IL4I1: variants seen among roughly 807,000 people sequenced by gnomAD.
IL4I1 encodes the protein L-amino-acid oxidase.
A neutral mutation model predicts 29.7 loss-of-function variants in IL4I1; 24 were observed. The ratio of observed to expected loss-of-function variants is 0.81; its 90% CI spans 0.59 to 1.14. The LOEUF is 1.14. IL4I1 is among the 50% of genes most tolerant of loss of function. The pLI, the probability that IL4I1 is intolerant of heterozygous loss-of-function variation, is 0.00. For synonymous variants in IL4I1, 371 were observed against 352.5 expected (o/e 1.05, Z -0.59); for missense variants, 686 against 785.6 (o/e 0.87, Z 1.52).
rs2075106840 is a variant in IL4I1 at position 49,889,901 on chromosome 19, C to T, written c.1473G>A (p.Glu491=). Reference sequence around the variant, plus strand: ...CGCGCAGCGCCGACTTGACCGCCGTCTCCACCCAGCCGTGCGGGTAGGCGG... The same window carrying T: ...CGCGCAGCGCCGACTTGACCGCCGTTTCCACCCAGCCGTGCGGGTAGGCGG... ...EHTAYPHGWV[E]TAVKSALRAA... The change falls in exon 8 of 8, where the codon GAG becomes GAA. Residue 491 remains glutamate (E), a synonymous_variant. Coordinates refer to ENST00000391826, the MANE Select transcript of IL4I1 (RefSeq NM_152899.2). 3.1e-6 allele frequency: 5 copies of T among 1,608,428 alleles called. No homozygotes were observed. The highest frequency in any genetic ancestry group is 1.7e-5 in the Admixed American group (1 of 59,422).
chr19:49,895,698 T>TGCCCCCCCCACCCCCCCCCCACC, intron 3 of IL4I1, 117 bp downstream of exon 3: 1 of 705,418 alleles, frequency 1.4e-6, no homozygotes, highest in East Asian at 3.3e-5. Context: ...AGATAGCCTC[T>TGCCCCCCCCACCCCCCCCCCACC]CCCCCCACAT....
chr19:49,895,736 C>T lies in IL4I1; in HGVS notation c.252+79G>A, dbSNP rs561577879. 2.4e-5 allele frequency: 21 copies of T among 893,134 alleles called. No individual in the cohort carries two copies. The East Asian group carries it at 2.8e-4, about 12-fold the overall frequency. 55.3% of individuals were successfully genotyped at this position (893,134 alleles called of 1,614,324 possible). On this transcript the variant is annotated intron_variant, in intron 3 of 7. Coordinates refer to ENST00000391826, the MANE Select transcript of IL4I1 (RefSeq NM_152899.2). ...CCACCTCCACCCCCTCAAGGAGGAA[C>T]GCGGCCGTGTCCCTGTGCCCAGGGA...
intron 3 of IL4I1, among the ~76,000 whole-genome samples, chr19:49,902,970 C>T (rs1405381238): frequency 6.7e-6 from 1 of 149,406 alleles, no homozygotes; most frequent in Non-Finnish European, 1.5e-5. Context: ...CGAAAATTAG[C>T]TGGGTGTGGT....
chr19:49,908,993 G>A, intron 2 of IL4I1: 1 of 1,611,356 alleles, frequency 6.2e-7, no homozygotes, highest in South Asian at 1.1e-5. Flanking sequence ...GGCAGCGGTG[G>A]ATGTTGTTGT....
At position 49,891,085 on chromosome 19, in the gene IL4I1, T is replaced by C. The variant is rs1600464230; in HGVS notation, c.659A>G (p.Asn220Ser). The stretch of plus-strand genomic sequence containing the variant: ...AAGCTGCACGGCCGGCCGGCTCAGG[T>C]TCCCCTCCCCGAGAAGATATTCCTG... Reference protein sequence around the residue: ...TLLEYLLGEGNLSRPAVQLLG... With the variant: ...TLLEYLLGEGSLSRPAVQLLG... Residue 220 changes from asparagine (N) to serine (S), a missense_variant, in exon 7 of 8, where the codon AAC (asparagine) becomes AGC (serine). Coordinates refer to ENST00000391826, the MANE Select transcript of IL4I1 (RefSeq NM_152899.2). The C allele has an allele frequency of 6.2e-7, 1 of 1,612,254 alleles. No individual in the cohort carries two copies.
At chr19:49,893,391 C>A (rs115679724) in intron 5 of IL4I1, among the ~76,000 whole-genome samples, 1 of 150,368 alleles carries the variant, frequency 6.7e-6, no homozygotes, top group Non-Finnish European at 1.5e-5. Context: ...GGGAGGTGGG[C>A]GAGGAGGAGG....
chr19:49,908,317 C>T, intron 2 of IL4I1: 1 of 1,614,140 alleles, frequency 6.2e-7, no homozygotes, highest in Non-Finnish European at 8.5e-7. Flanking sequence ...CCTCCACCTT[C>T]CTCTGCAGCA....
At chr19:49,901,651 T>C, upstream of IL4I1, 2 of 1,529,558 alleles carry the variant, frequency 1.3e-6, no homozygotes, top group South Asian at 1.2e-5. Flanking sequence ...CATGGCTGCC[T>C]CTGGGGGGCT....
chr19:49,922,355 C>A (rs895792935), intron 2 of IL4I1, among the ~76,000 whole-genome samples: 9 of 152,076 alleles, frequency 5.9e-5, no homozygotes, highest in African/African-American at 2.2e-4. Flanking sequence ...AGACACCAGC[C>A]CCACTTCCAG....
intron 2 of IL4I1, among the ~76,000 whole-genome samples, chr19:49,912,730 G>A (rs993286794): frequency 3.9e-5 from 6 of 151,996 alleles, no homozygotes; most frequent in African/African-American, 1.2e-4. Context: ...GTTGGCCGTG[G>A]TGGCAGGCGC....
chr19:49,895,124 G>T lies in IL4I1; in HGVS notation c.309C>A (p.Asp103Glu), dbSNP rs1226023085. Residue 103 changes from aspartate to glutamate, a missense_variant, in exon 4 of 8, where the codon GAC (aspartate) becomes GAA (glutamate). By Grantham distance (45) the Asp-to-Glu change is conservative. Transcript: ENST00000391826. ...GCTCCCCAATCCAGCCCGTGTTCTGGTCCCGGTAGGTGAAGATGCGGCCCC... is the reference window on the plus strand; with the variant it reads ...GCTCCCCAATCCAGCCCGTGTTCTGTTCCCGGTAGGTGAAGATGCGGCCCC... The part of the protein sequence containing the change: ...RIGGRIFTYR[D>E]QNTGWIGELG... 1 of 1,613,870 alleles carries T rather than the reference G, an allele frequency of 6.2e-7. No individual in the cohort carries two copies. The highest frequency in any genetic ancestry group is 1.1e-5 in the South Asian group (1 of 91,088).
intron 2 of IL4I1, chr19:49,918,469 T>A: frequency 6.6e-6 from 1 of 152,342 alleles, no homozygotes. Context: ...CAGAACCAGG[T>A]ATCCCCAATA....
At chr19:49,897,958 G>A (rs988854381), upstream of IL4I1, among the ~76,000 whole-genome samples, 4 of 152,182 alleles carry the variant, frequency 2.6e-5, no homozygotes, top group Non-Finnish European at 5.9e-5. Context: ...ACGCAGGGGC[G>A]GGAGGCCGTG....
chr19:49,900,555 T>A (rs1210214720), upstream of IL4I1, among the ~76,000 whole-genome samples: 1 of 152,210 alleles, frequency 6.6e-6, no homozygotes, highest in Non-Finnish European at 1.5e-5. Flanking sequence ...CCCAAAGTGC[T>A]GGGATTACAA....
At chr19:49,897,628 C>A (rs1299500629), upstream of IL4I1, among the ~76,000 whole-genome samples, 1 of 152,164 alleles carries the variant, frequency 6.6e-6, no homozygotes, top group South Asian at 2.1e-4. Context: ...AGTGACCACC[C>A]GGCAGAGGGA....
Position 49,890,556 on chromosome 19 carries a change from AGC to A in IL4I1, c.816_817del (p.Leu273AlafsTer97). 2 of 1,595,912 alleles carry A rather than the reference AGC, an allele frequency of 1.3e-6. No homozygotes were observed. The highest frequency in any genetic ancestry group is 8.5e-7 in the Non-Finnish European group (1 of 1,173,628). On this transcript the variant is annotated frameshift_variant, in exon 8 of 8. Coordinates refer to ENST00000391826, the MANE Select transcript of IL4I1 (RefSeq NM_152899.2). LOFTEE classifies it low-confidence loss of function (END_TRUNC). ...CACAAGCCCGGACAGCGAGCTCAGC[AGC>A]GCGCGCGGCAGCAGGTCCCAGCCAC...
intron 2 of IL4I1, among the ~76,000 whole-genome samples, chr19:49,914,801 G>A (rs2075582668): frequency 7.2e-6 from 1 of 139,728 alleles, no homozygotes; most frequent in Admixed American, 7.8e-5. Flanking sequence ...GTGTGGTGGT[G>A]CGATCTTGGC....
chr19:49,890,891 C>G (rs369590509), intron 7 of IL4I1, 80 bp downstream of exon 7: 5 of 1,216,420 alleles, frequency 4.1e-6, no homozygotes, highest in Non-Finnish European at 5.6e-6. Flanking sequence ...GCCCCCAGAC[C>G]CAGAGGCTCC....
At position 49,921,946 on chromosome 19, in the gene IL4I1, C is replaced by A. The variant is rs1008258273; in HGVS notation, c.-228+5748G>T. ...CTTGGCAGGATGAGTGCATTTGCTG[C>A]GAGAAAGCAGCCCCGACGGCAGGGC... is the stretch of plus-strand genomic sequence containing the variant. On this transcript the variant is annotated intron_variant, in intron 2 of 9. Coordinates refer to the IL4I1 transcript ENST00000341114. The surrounding 1 kb of genome is among the most constrained non-coding windows in gnomAD (Gnocchi z 5.4). Among the ~76,000 whole-genome samples, 1 of 152,182 alleles carries A rather than the reference C, an allele frequency of 6.6e-6. No homozygotes were observed. Among genetic ancestry groups the A allele is most frequent in the Non-Finnish European group, 1.5e-5 (1 of 68,028 alleles).
Sources: allele counts gnomAD v4.1 joint callset (sites outside exome capture counted in the v4.1 genomes callset), GRCh38; gene constraint gnomAD v4.1.1; non-coding constraint Gnocchi (gnomAD v3.1); transcripts MANE v1.5; gene names NCBI Gene and HGNC (gene_info 2026-07-23, HGNC 2026-07-21).